Variants in SMO observed in about 807,000 individuals in gnomAD.
SMO encodes smoothened, frizzled class receptor.
A neutral mutation model predicts 81.6 loss-of-function variants in SMO; 40 were observed. The ratio of observed to expected loss-of-function variants is 0.49; its 90% CI spans 0.38 to 0.64. SMO has a LOEUF of 0.64. Among genes scored for constraint, SMO ranks in the 30% least tolerant of loss-of-function variants. The pLI, the probability that SMO is intolerant of heterozygous loss-of-function variation, is 0.00. For missense variants in SMO, 916 were observed against 1,061.1 expected (o/e 0.86, Z 1.90); for synonymous variants, 434 against 432.1 (o/e 1.00, Z -0.05).
rs1370027388 is a variant in SMO at position 129,210,785 on chromosome 7, A to G, written c.1653-180A>G. ...GGAGTGATTGGAGGGCTGGGCACAC[A>G]GGAGCTCTGCATTCTGGCCCCACTT... On this transcript the variant is annotated intron_variant, in intron 9 of 11. Coordinates refer to ENST00000249373, the MANE Select transcript of SMO (RefSeq NM_005631.5). The surrounding 1 kb of genome is among the most constrained non-coding windows in gnomAD (Gnocchi z 4.7). Among the ~76,000 whole-genome samples the G allele has an allele frequency of 6.6e-6, 1 of 152,218 alleles. No individual in the cohort carries two copies. Among genetic ancestry groups the G allele is most frequent in the Non-Finnish European group, 1.5e-5 (1 of 68,024 alleles).
chr7:129,206,653 G>A lies in SMO; in HGVS notation c.1264+66G>A. 5 of 1,564,754 alleles carry A rather than the reference G, an allele frequency of 3.2e-6. No individual in the cohort carries two copies. Among genetic ancestry groups the A allele is most frequent in the Non-Finnish European group, 4.4e-6 (5 of 1,146,484 alleles). On this transcript the variant is annotated intron_variant, in intron 6 of 11. Coordinates refer to ENST00000249373, the MANE Select transcript of SMO (RefSeq NM_005631.5). The surrounding 1 kb of genome is among the most constrained non-coding windows in gnomAD (Gnocchi z 4.4). ...ATACTGGGCACTTGCTGCCAGTACT[G>A]GGAGCTGCCAGCACGGCTGCCCCCA... is the stretch of plus-strand genomic sequence containing the variant.
chr7:129,209,092 G>A (rs979731805), intron 7 of SMO, 197 bp from the exon 8 acceptor site: 11 of 609,176 alleles, frequency 1.8e-5, no homozygotes, highest in Non-Finnish European at 2.7e-5. Flanking sequence ...TACGTCCCAC[G>A]TGGTCCCTCC....
At chr7:129,207,700 C>G (rs554020950) in intron 6 of SMO, among the ~76,000 whole-genome samples, 2 of 152,254 alleles carry the variant, frequency 1.3e-5, no homozygotes, top group East Asian at 3.9e-4. Flanking sequence ...CGAGACCAGC[C>G]TGAACAACAT....
rs1232615391 is a variant in SMO at position 129,189,239 on chromosome 7, G to A, written c.88G>A (p.Ala30Thr). ...LLLLGDPGRG[A>T]ASSGNATGPG... is the part of the protein sequence containing the mutation. ...GCTGCTGGGGGACCCGGGCCGGGGG[G>A]CGGCCTCGAGCGGGAACGCGACCGG... Residue 30 changes from alanine to threonine, a missense_variant, in exon 1 of 12, where the codon GCG becomes ACG. Transcript: ENST00000249373. This position sits in a 1 kb window ranked among gnomAD's most constrained non-coding sequence, Gnocchi z 4.7. The A allele has an allele frequency of 5.0e-6, 6 of 1,197,696 alleles. No homozygotes were observed. The highest frequency in any genetic ancestry group is 3.2e-5 in the African/African-American group (2 of 63,008). 74.2% of individuals were successfully genotyped at this position (1,197,696 alleles called of 1,614,324 possible). A position where few individuals can be genotyped will look rare whatever the true frequency, so the allele number is the denominator to read the frequency against.
In SMO at chr7:129,210,402, G is replaced by A. The variant is rs747174990; in HGVS notation, c.1506G>A (p.Gln502=). The change falls in exon 9 of 12, where the codon CAG becomes CAA. Residue 502 remains glutamine (Q), a synonymous_variant. Transcript: ENST00000249373. This position sits in a 1 kb window ranked among gnomAD's most constrained non-coding sequence, Gnocchi z 4.7. ...ANVTIGLPTK[Q]PIPDCEIKNR... is the part of the protein sequence containing the mutation. ...TGACCATCGGGCTGCCCACCAAGCA[G>A]CCCATCCCTGACTGTGAGATCAAGA... 1.9e-6 allele frequency: 3 copies of A among 1,614,076 alleles called. No individual in the cohort carries two copies. The highest frequency in any genetic ancestry group is 3.3e-5 in the Admixed American group (2 of 60,012).
intron 1 of SMO, among the ~76,000 whole-genome samples, chr7:129,201,292 G>T (rs1233446232): frequency 6.6e-6 from 1 of 151,948 alleles, no homozygotes; most frequent in Non-Finnish European, 1.5e-5. Context: ...TGATCCACCC[G>T]CCTCGGCCTC....
rs780158670 is a variant in SMO, at chr7:129,212,027, C to T, written c.1940C>T (p.Pro647Leu). 8.2e-6 allele frequency: 13 copies of T among 1,584,178 alleles called. No homozygotes were observed. Among genetic ancestry groups the T allele is most frequent in the Non-Finnish European group, 1.1e-5 (13 of 1,171,940 alleles). Residue 647 changes from proline to leucine, a missense_variant, in exon 12 of 12, where the codon CCC becomes CTC. Transcript: ENST00000249373. The surrounding 1 kb of genome is among the most constrained non-coding windows in gnomAD (Gnocchi z 5.0). ...GTGTTGTCTCTCCTCCTGTCAGTGC[C>T]CCCAGAGGAACAAGCCAACCTGTGG... ...ISVTPVATPVPPEEQANLWLV... is the reference protein window; with the variant it reads ...ISVTPVATPVLPEEQANLWLV...
At chr7:129,205,157 G>A (rs762615542) in intron 2 of SMO, 46 bp from the exon 3 acceptor site, 8 of 1,549,134 alleles carry the variant, frequency 5.2e-6, no homozygotes, top group African/African-American at 1.4e-5. Context: ...CAAGAGGCTC[G>A]TCCCTGAGCT....
intron 1 of SMO, among the ~76,000 whole-genome samples, chr7:129,193,785 AATAT>A (rs71526088): frequency 0.03 from 780 of 26,262 alleles, 17 homozygotes; most frequent in Middle Eastern, 0.12. Context: ...AAAAAAAAAA[AATAT>A]ATATATATAT....
chr7:129,191,223 A>G (rs1793476889), intron 1 of SMO, among the ~76,000 whole-genome samples: 1 of 152,260 alleles, frequency 6.6e-6, no homozygotes, highest in African/African-American at 2.4e-5. Flanking sequence ...GCCTCTGTGT[A>G]GTTACCATCA....
chr7:129,207,486 T>G (rs563110245), intron 6 of SMO, among the ~76,000 whole-genome samples: 1 of 152,286 alleles, frequency 6.6e-6, no homozygotes, highest in Admixed American at 6.5e-5. Context: ...CACCCTGAAC[T>G]GCCAGCCTTC....
In SMO at chr7:129,189,080, G is replaced by C; in HGVS notation, c.-72G>C. ...AGCCGCCTCCGCGGCCGCCGAGGTCGTGCGTGTGGCCGGGGGGCTCCGAGG... is the reference window on the plus strand; with the variant it reads ...AGCCGCCTCCGCGGCCGCCGAGGTCCTGCGTGTGGCCGGGGGGCTCCGAGG... On this transcript the variant is annotated 5_prime_UTR_variant, in exon 1 of 12. Coordinates refer to ENST00000249373, the MANE Select transcript of SMO (RefSeq NM_005631.5). This position sits in a 1 kb window ranked among gnomAD's most constrained non-coding sequence, Gnocchi z 4.7. 1.7e-6 allele frequency: 2 copies of C among 1,192,814 alleles called. No homozygotes were observed. The highest frequency in any genetic ancestry group is 2.1e-6 in the Non-Finnish European group (2 of 958,860). 73.9% of individuals were successfully genotyped at this position (1,192,814 alleles called of 1,614,324 possible).
intron 1 of SMO, among the ~76,000 whole-genome samples, chr7:129,193,970 C>T (rs2150641320): frequency 6.7e-6 from 1 of 148,518 alleles, no homozygotes; most frequent in South Asian, 2.1e-4. Context: ...CATGTTGGCA[C>T]ACACCTGTGG....
At position 129,208,911 on chromosome 7, in the gene SMO, T is replaced by G; in HGVS notation, c.1357+60T>G. On this transcript the variant is annotated intron_variant, in intron 7 of 11. Coordinates refer to ENST00000249373, the MANE Select transcript of SMO (RefSeq NM_005631.5). The surrounding 1 kb of genome is among the most constrained non-coding windows in gnomAD (Gnocchi z 5.2). The stretch of plus-strand genomic sequence containing the variant: ...TGGCCAGCCCAACACTGCACCCTCC[T>G]GGGGCTATGCGACCGGCAGGATGCA... 9 of 1,166,784 alleles carry G rather than the reference T, an allele frequency of 7.7e-6. No individual in the cohort carries two copies. Among genetic ancestry groups the G allele is most frequent in the Non-Finnish European group, 1.0e-5 (8 of 783,334 alleles). The allele number at this position is 1,166,784 out of a possible 1,614,324, so 72.3% of individuals were successfully genotyped here.
intron 1 of SMO, among the ~76,000 whole-genome samples, chr7:129,202,844 C>T (rs1209000660): frequency 1.3e-5 from 2 of 152,182 alleles, no homozygotes; most frequent in East Asian, 1.9e-4. Context: ...AAATCCACCC[C>T]GGGGAGCTCT....
At position 129,212,143 on chromosome 7, in the gene SMO, G is replaced by T. The variant is rs1446646756; in HGVS notation, c.2056G>T (p.Ala686Ser). ...GAGGAAGAAGGAGGTGTGCCCGCTG[G>T]CGCCGCCCCCTGAGCTTCACCCCCC... The part of the protein sequence containing the change: ...RKRKKEVCPL[A>S]PPPELHPPAP... The change falls in exon 12 of 12, where the codon GCG (alanine) becomes TCG (serine). Residue 686 changes from alanine (A) to serine (S), a missense_variant. By Grantham distance (99) the Ala-to-Ser change is moderately conservative. This residue lies in a region of SMO where 324 missense variants were observed against 312.9 expected (regional missense o/e 1.04). Transcript: ENST00000249373. This position sits in a 1 kb window ranked among gnomAD's most constrained non-coding sequence, Gnocchi z 5.0. 1.9e-6 allele frequency: 3 copies of T among 1,558,418 alleles called. No individual in the cohort carries two copies. In the South Asian group the frequency reaches 3.5e-5, roughly 18 times the overall value.
At position 129,212,164 on chromosome 7, in the gene SMO, C is replaced by G; in HGVS notation, c.2077C>G (p.Pro693Ala). The G allele has an allele frequency of 1.3e-6, 2 of 1,555,614 alleles. No homozygotes were observed. The highest frequency in any genetic ancestry group is 8.7e-7 in the Non-Finnish European group (1 of 1,149,504). ...GCTGGCGCCGCCCCCTGAGCTTCACCCCCCTGCCCCTGCCCCCAGTACCAT... is the reference window on the plus strand; with the variant it reads ...GCTGGCGCCGCCCCCTGAGCTTCACGCCCCTGCCCCTGCCCCCAGTACCAT... ...CPLAPPPELHPPAPAPSTIPR... is the reference protein window; with the variant it reads ...CPLAPPPELHAPAPAPSTIPR... Residue 693 changes from proline (P) to alanine (A), a missense_variant, in exon 12 of 12, where the codon CCC (proline) becomes GCC (alanine). Around this residue, in one of 4 missense-constraint regions of SMO, gnomAD observed 324 missense variants for 312.9 expected, o/e 1.04. Transcript: ENST00000249373. This position sits in a 1 kb window ranked among gnomAD's most constrained non-coding sequence, Gnocchi z 5.0.
intron 1 of SMO, among the ~76,000 whole-genome samples, chr7:129,191,540 A>G (rs1793481641): frequency 6.6e-6 from 1 of 152,138 alleles, no homozygotes; most frequent in Admixed American, 6.5e-5. Flanking sequence ...ACTTGCAAGT[A>G]GGGCAGAAGC....
rs375955586 is a variant in SMO, at chr7:129,211,996, A to C, written c.1937-28A>C. On this transcript the variant is annotated intron_variant, in intron 11 of 11. Transcript: ENST00000249373. This position sits in a 1 kb window ranked among gnomAD's most constrained non-coding sequence, Gnocchi z 4.6. ...GTGGCATGGACAGAGCCAGGGCCCCAGGCTCGTGTTGTCTCTCCTCCTGTC... is the reference window on the plus strand; with the variant it reads ...GTGGCATGGACAGAGCCAGGGCCCCCGGCTCGTGTTGTCTCTCCTCCTGTC... The C allele has an allele frequency of 6.4e-7, 1 of 1,552,902 alleles. No homozygotes were observed. Among genetic ancestry groups the C allele is most frequent in the Non-Finnish European group, 8.7e-7 (1 of 1,155,242 alleles).
Sources: gnomAD v4.1 joint callset for allele counts (sites outside exome capture counted in the v4.1 genomes callset) on GRCh38, gnomAD v4.1.1 for gene constraint, gnomAD v4.1.1 regional missense constraint, Gnocchi (gnomAD v3.1) non-coding constraint, MANE v1.5 for transcripts, NCBI Gene and HGNC (gene_info 2026-07-23, HGNC 2026-07-21) for gene names.